FARS2: variants seen among roughly 807,000 people sequenced by gnomAD.
FARS2 encodes the protein phenylalanyl-tRNA synthetase 2, mitochondrial.
In FARS2, 40 loss-of-function variants were observed where a neutral mutation model predicts 46.4. The observed-to-expected ratio is 0.86, with a 90% CI of 0.67 to 1.12. The LOEUF (loss-of-function observed/expected upper bound fraction) is 1.12. Ranked by LOEUF, FARS2 falls within the 50% of genes most tolerant of loss-of-function variation. The probability of loss-of-function intolerance (pLI) is 0.00; values close to 1 mark genes in which losing one functional copy is unlikely to be tolerated. For synonymous variants in FARS2, 234 were observed against 214.9 expected, an observed-to-expected ratio of 1.09 and a Z score of -0.78; for missense variants, 513 against 567.9, an observed-to-expected ratio of 0.90 and a Z score of 0.98.
chr6:5,651,266 C>T (rs1316829259), intron 6 of FARS2, among the ~76,000 whole-genome samples: 1 of 152,142 alleles, frequency 6.6e-6, no homozygotes, highest in East Asian at 1.9e-4. Flanking sequence ...CAAAACCCCC[C>T]AAAAGATTCA....
At chr6:5,490,401 G>A (rs955471561) in intron 4 of FARS2, among the ~76,000 whole-genome samples, 3 of 152,076 alleles carry the variant, frequency 2.0e-5, no homozygotes, top group African/African-American at 4.8e-5. Context: ...CATTTCTCTT[G>A]TTTCAATACT....
At chr6:5,719,433 G>GAAA (rs1759733817) in intron 6 of FARS2, among the ~76,000 whole-genome samples, 1 of 13,608 alleles carries the variant, frequency 7.3e-5, no homozygotes, top group Non-Finnish European at 1.5e-4. Context: ...GAAAAAGAAA[G>GAAA]GAAAGAAAGA....
At chr6:5,402,789 T>C (rs1274032392) in intron 2 of FARS2, among the ~76,000 whole-genome samples, 1 of 152,224 alleles carries the variant, frequency 6.6e-6, no homozygotes, top group African/African-American at 2.4e-5. Context: ...AAATTGGGCA[T>C]GCTTTTACAC....
At chr6:5,523,271 G>A (rs1205975620) in intron 4 of FARS2, among the ~76,000 whole-genome samples, 5 of 152,120 alleles carry the variant, frequency 3.3e-5, no homozygotes, top group East Asian at 1.9e-4. Context: ...ACACCTGCAC[G>A]GGCATAGAAG....
chr6:5,432,389 CATTATATATATTATGT>C (rs1763256706), intron 4 of FARS2, among the ~76,000 whole-genome samples: 1 of 113,978 alleles, frequency 8.8e-6, no homozygotes, highest in Non-Finnish European at 1.7e-5. Flanking sequence ...ATATATTATA[CATTATATATATTATGT>C]ATTATATATA....
intron 2 of FARS2, among the ~76,000 whole-genome samples, chr6:5,384,060 T>G (rs1759965688): frequency 6.6e-6 from 1 of 152,190 alleles, no homozygotes; most frequent in South Asian, 2.1e-4. Flanking sequence ...TACATGGTGG[T>G]TGTCATGAGA....
intron 1 of FARS2, among the ~76,000 whole-genome samples, chr6:5,276,719 C>A (rs1016805539): frequency 2.0e-5 from 3 of 152,148 alleles, no homozygotes; most frequent in African/African-American, 7.2e-5. Flanking sequence ...CAGTAGGAGA[C>A]TGGGACTGTG....
chr6:5,714,483 T>C (rs1759375259), intron 6 of FARS2, among the ~76,000 whole-genome samples: 1 of 152,172 alleles, frequency 6.6e-6, no homozygotes, highest in South Asian at 2.1e-4. Flanking sequence ...TTCTTCTAGC[T>C]CTTGCTGCTA....
rs1172099706 is a variant in FARS2, at chr6:5,764,593, T to A, written c.1218-6698T>A. ...CAGCATCTTCTCTCCCGTTGAGTAATCCCTGCATGAATAGATGGCAGCTGC... is the reference window on the plus strand; with the variant it reads ...CAGCATCTTCTCTCCCGTTGAGTAAACCCTGCATGAATAGATGGCAGCTGC... On this transcript the variant is annotated intron_variant, in intron 6 of 6. Transcript: ENST00000274680. The surrounding 1 kb of genome is among the most constrained non-coding windows in gnomAD (Gnocchi z 4.1). Among the ~76,000 whole-genome samples, 1 of 152,188 alleles carries A rather than the reference T, an allele frequency of 6.6e-6. No individual in the cohort carries two copies. Among genetic ancestry groups the A allele is most frequent in the Non-Finnish European group, 1.5e-5 (1 of 68,028 alleles).
At chr6:5,749,782 C>G (rs1168160374) in intron 6 of FARS2, among the ~76,000 whole-genome samples, 7 of 152,194 alleles carry the variant, frequency 4.6e-5, no homozygotes, top group Non-Finnish European at 1.0e-4. Flanking sequence ...GACTTCCTCC[C>G]CTGGGGAAGA....
At chr6:5,686,808 A>C (rs1406327974) in intron 6 of FARS2, among the ~76,000 whole-genome samples, 1 of 152,264 alleles carries the variant, frequency 6.6e-6, no homozygotes, top group African/African-American at 2.4e-5. Context: ...ACTAGTTTAC[A>C]GTCCCACCAA....
In FARS2 at chr6:5,303,308, A is replaced by G. The variant is rs539639851; in HGVS notation, c.-22+41648A>G. On this transcript the variant is annotated intron_variant, in intron 1 of 6. Transcript: ENST00000274680. The stretch of plus-strand genomic sequence containing the variant: ...CATAGAGATGAAGGGCAAGAATGCA[A>G]GAGCAGCACCTGGGACTGACTGGTT... Among the ~76,000 whole-genome samples the G allele has an allele frequency of 2.9e-4, 44 of 152,328 alleles. 2 individuals carry two copies. In the South Asian group the frequency reaches 7.0e-3, roughly 24 times the overall value.
the FARS2 span, among the ~76,000 whole-genome samples, chr6:5,254,907 ATC>A: frequency 2.0e-5 from 3 of 152,066 alleles, no homozygotes; most frequent in Non-Finnish European, 2.9e-5. Flanking sequence ...TGGAGGGGGT[ATC>A]TCTACTCACG....
chr6:5,641,858 A>G (rs1205635775), intron 6 of FARS2, among the ~76,000 whole-genome samples: 3 of 152,206 alleles, frequency 2.0e-5, no homozygotes, highest in Admixed American at 2.0e-4. Context: ...AAAAGCTTTC[A>G]TGATGCCCCT....
At chr6:5,752,309 T>C (rs1761994086) in intron 6 of FARS2, among the ~76,000 whole-genome samples, 1 of 152,226 alleles carries the variant, frequency 6.6e-6, no homozygotes, top group Admixed American at 6.5e-5. Context: ...TTACTCATGG[T>C]AAATTGTGAA....
chr6:5,601,080 C>T (rs1357097415), intron 5 of FARS2, among the ~76,000 whole-genome samples: 2 of 152,166 alleles, frequency 1.3e-5, no homozygotes, highest in African/African-American at 4.8e-5. Context: ...CATCTCTAAA[C>T]CAGGAAGAGG....
intron 4 of FARS2, among the ~76,000 whole-genome samples, chr6:5,495,199 G>A (rs768346144): frequency 6.6e-5 from 10 of 152,220 alleles, no homozygotes; most frequent in Non-Finnish European, 1.3e-4. Flanking sequence ...TGTGAAAACT[G>A]TAGCCGCCTG....
intron 6 of FARS2, among the ~76,000 whole-genome samples, chr6:5,753,549 G>C (rs1762058813): frequency 6.6e-6 from 1 of 152,182 alleles, no homozygotes; most frequent in African/African-American, 2.4e-5. Flanking sequence ...GCACGGAGCT[G>C]TCAGTAACCC....
intron 5 of FARS2, among the ~76,000 whole-genome samples, chr6:5,549,446 CT>C (rs1561705738): frequency 6.6e-6 from 1 of 152,134 alleles, no homozygotes; most frequent in Non-Finnish European, 1.5e-5. Context: ...GTTTTCTGTC[CT>C]TGTGAACTGT....
Sources: allele counts gnomAD v4.1 joint callset (sites outside exome capture counted in the v4.1 genomes callset), GRCh38; gene constraint gnomAD v4.1.1; non-coding constraint Gnocchi (gnomAD v3.1); transcripts MANE v1.5; gene names NCBI Gene and HGNC (gene_info 2026-07-23, HGNC 2026-07-21).